Variants in PLPP1 observed in about 807,000 individuals in gnomAD.
PLPP1 encodes lipid phosphate phosphohydrolase 1a.
A neutral mutation model predicts 31.2 loss-of-function variants in PLPP1; 24 were observed. The ratio of observed to expected loss-of-function variants is 0.77; its 90% CI spans 0.56 to 1.08. The LOEUF (loss-of-function observed/expected upper bound fraction) is 1.08. Ranked by LOEUF, PLPP1 falls within the 50% of genes least tolerant of loss-of-function variation. The pLI is 0.00. For missense variants in PLPP1, 319 were observed against 342.7 expected (o/e 0.93, Z 0.55); for synonymous variants, 146 against 126.3 (o/e 1.16, Z -1.05).
intron 2 of PLPP1, among the ~76,000 whole-genome samples, chr5:55,468,766 GT>G (rs1339421827): frequency 4.6e-5 from 7 of 152,148 alleles, no homozygotes; most frequent in African/African-American, 1.7e-4. Flanking sequence ...TCATGCCATT[GT>G]ACTCCAGCCT....
rs577728092 is a variant in PLPP1 at position 55,509,805 on chromosome 5, C to T, written c.58+24767G>A. ...AAAAACAAAAAGCAAACCTTCTCAC[C>T]TGTTGTTCCCTTCCCAGAAAGGCAC... On this transcript the variant is annotated intron_variant, in intron 1 of 5. Transcript: ENST00000307259. Among the ~76,000 whole-genome samples, 3 of 152,318 alleles carry T rather than the reference C, an allele frequency of 2.0e-5. No homozygotes were observed. In the East Asian group the frequency reaches 5.8e-4, roughly 29 times the overall value.
At position 55,467,884 on chromosome 5, in the gene PLPP1, C is replaced by CT; in HGVS notation, c.475dup (p.Arg159LysfsTer3). The CT allele has an allele frequency of 6.2e-7, 1 of 1,612,150 alleles. No homozygotes were observed. Among genetic ancestry groups the CT allele is most frequent in the African/African-American group, 1.3e-5 (1 of 75,022 alleles). On this transcript the variant is annotated frameshift_variant, in exon 3 of 6. Transcript: ENST00000307259. LOFTEE classifies it high-confidence loss of function. ...TAACACTCACCTGCCTTCCTTAACT[C>CT]TTTCTGCATTCCCTCGACATATGTA... is the stretch of plus-strand genomic sequence containing the variant.
At chr5:55,492,020 C>G (rs1752904103) in intron 1 of PLPP1, among the ~76,000 whole-genome samples, 1 of 138,010 alleles carries the variant, frequency 7.2e-6, no homozygotes, top group Non-Finnish European at 1.6e-5. Flanking sequence ...GGCTCCAAAA[C>G]CACTTTTAAC....
At chr5:55,532,829 T>C (rs1351946244) in intron 1 of PLPP1, among the ~76,000 whole-genome samples, 1 of 151,914 alleles carries the variant, frequency 6.6e-6, no homozygotes, top group African/African-American at 2.4e-5. Context: ...TGGTGGTATG[T>C]GCTTGTAATC....
intron 1 of PLPP1, chr5:55,491,078 A>C: frequency 6.2e-7 from 1 of 1,613,962 alleles, no homozygotes; most frequent in South Asian, 1.1e-5. Flanking sequence ...AAATGGATAT[A>C]TTTGGCCCAA....
At chr5:55,502,926 T>A (rs1308057503) in intron 1 of PLPP1, among the ~76,000 whole-genome samples, 2 of 152,194 alleles carry the variant, frequency 1.3e-5, no homozygotes, top group Non-Finnish European at 2.9e-5. Flanking sequence ...GCTTCTCTTT[T>A]CAGGCAATGA....
chr5:55,477,396 CTTTTT>C (rs3070044), intron 1 of PLPP1, among the ~76,000 whole-genome samples: 1 of 133,326 alleles, frequency 7.5e-6, no homozygotes. Flanking sequence ...TTTTTCTTTT[CTTTTT>C]TTTTTTTTTT....
intron 4 of PLPP1, among the ~76,000 whole-genome samples, chr5:55,428,902 A>G (rs1199974640): frequency 6.6e-6 from 1 of 152,170 alleles, no homozygotes; most frequent in East Asian, 1.9e-4. Flanking sequence ...AGTGTGTGGT[A>G]CCAGACAGGC....
At chr5:55,475,237 G>T in intron 2 of PLPP1, 62 bp downstream of exon 2, 1 of 1,416,270 alleles carries the variant, frequency 7.1e-7, no homozygotes, top group Non-Finnish European at 9.6e-7. Context: ...CATTAAAAGA[G>T]TAACAGAAAA....
intron 3 of PLPP1, among the ~76,000 whole-genome samples, chr5:55,464,232 C>T (rs1752234178): frequency 9.2e-6 from 1 of 108,486 alleles, no homozygotes. Flanking sequence ...ATGTTCAGAA[C>T]ATCTTTTTTT....
intron 1 of PLPP1, among the ~76,000 whole-genome samples, chr5:55,499,069 G>A (rs974674376): frequency 1.6e-4 from 24 of 152,172 alleles, no homozygotes; most frequent in African/African-American, 5.5e-4. Context: ...CTGCAGGAAA[G>A]TAGAGGGATA....
intron 3 of PLPP1, among the ~76,000 whole-genome samples, chr5:55,465,879 C>T (rs899475397): frequency 1.3e-5 from 2 of 152,054 alleles, no homozygotes; most frequent in East Asian, 3.9e-4. Flanking sequence ...TCCCTGAAGG[C>T]TCTCTGTACC....
intron 4 of PLPP1, among the ~76,000 whole-genome samples, chr5:55,435,249 G>A (rs1751464740): frequency 6.6e-6 from 1 of 152,214 alleles, no homozygotes; most frequent in South Asian, 2.1e-4. Context: ...AGATGCTGTT[G>A]AGGATGCAGA....
At chr5:55,468,223 A>G (rs1031178041) in intron 2 of PLPP1, 74 bp from the exon 3 acceptor site, 18 of 1,353,410 alleles carry the variant, frequency 1.3e-5, no homozygotes, top group African/African-American at 4.4e-5. Context: ...CATAGGGGGA[A>G]AAAAGGAAAT....
chr5:55,492,393 TAAG>T (rs1752914531), intron 1 of PLPP1, among the ~76,000 whole-genome samples: 1 of 152,070 alleles, frequency 6.6e-6, no homozygotes, highest in South Asian at 2.1e-4. Context: ...CATGTAAAGT[TAAG>T]AAGAAATACC....
intron 1 of PLPP1, among the ~76,000 whole-genome samples, chr5:55,504,168 A>C (rs1470936228): frequency 3.6e-4 from 55 of 151,792 alleles, no homozygotes; most frequent in Non-Finnish European, 1.0e-4. Flanking sequence ...CAGGAGTTTA[A>C]GACCAGGCTG....
At chr5:55,529,284 T>C (rs1740576059) in intron 1 of PLPP1, among the ~76,000 whole-genome samples, 2 of 141,860 alleles carry the variant, frequency 1.4e-5, no homozygotes, top group Non-Finnish European at 3.1e-5. Flanking sequence ...TATATATACA[T>C]ATACATCTTT....
Position 55,443,153 on chromosome 5 carries a change from G to A in PLPP1, c.492-1245C>T, listed in dbSNP as rs1320456542. 1.2e-4 allele frequency among the ~76,000 whole-genome samples: 15 copies of A among 128,114 alleles called. 1 individual carries two copies. The highest frequency in any genetic ancestry group is 4.8e-5 in the Non-Finnish European group (3 of 62,310). 84.0% of individuals were successfully genotyped at this position (128,114 alleles called of 152,430 possible). On this transcript the variant is annotated intron_variant, in intron 3 of 5. Coordinates refer to ENST00000307259, the MANE Select transcript of PLPP1 (RefSeq NM_003711.4). The stretch of plus-strand genomic sequence containing the variant: ...ACGTGTGTATGTTTGGCAGCTGCCA[G>A]TGGGTGGGAAAGAAAGGATTACTTA...
chr5:55,533,723 G>T (rs1261270635), intron 1 of PLPP1, among the ~76,000 whole-genome samples: 2 of 152,184 alleles, frequency 1.3e-5, no homozygotes, highest in African/African-American at 4.8e-5. Flanking sequence ...TATATAAATA[G>T]TTCACAGCAT....
Sources: gnomAD v4.1 joint callset for allele counts (sites outside exome capture counted in the v4.1 genomes callset) on GRCh38, gnomAD v4.1.1 for gene constraint, MANE v1.5 for transcripts, NCBI Gene and HGNC (gene_info 2026-07-23, HGNC 2026-07-21) for gene names.